UGGT2: variants seen among roughly 807,000 people sequenced by gnomAD.
UGGT2 encodes UDP-glucose:glycoprotein glucosyltransferase 2.
In UGGT2, 180 loss-of-function variants were observed where a neutral mutation model predicts 192.1. That is an observed-to-expected ratio of 0.94 (90% CI 0.83 to 1.06). UGGT2 has a LOEUF of 1.06. Ranked by LOEUF, UGGT2 falls within the 50% of genes least tolerant of loss-of-function variation. The pLI, the probability that UGGT2 is intolerant of heterozygous loss-of-function variation, is 0.00. For synonymous variants in UGGT2, 580 were observed against 591.0 expected (o/e 0.98, Z 0.27); for missense variants, 1,849 against 1,795.7 (o/e 1.03, Z -0.54).
Position 95,983,648 on chromosome 13 carries a change from T to A in UGGT2, c.1092+156A>T, listed in dbSNP as rs141631155. The A allele has an allele frequency of 6.4e-4, 432 of 680,012 alleles. 6 individuals are homozygous for A. The East Asian group carries it at 0.012, about 19-fold the overall frequency. The allele number at this position is 680,012 out of a possible 1,614,324, so 42.1% of individuals were successfully genotyped here. A position where few individuals can be genotyped will look rare whatever the true frequency, so the allele number is the denominator to read the frequency against. On this transcript the variant is annotated intron_variant, in intron 10 of 38. Transcript: ENST00000376747. ...AAAAGATTGGCTGATTAAATGCTCATATAGTCCACAGTATAAAAATAGAAG... is the reference window on the plus strand; with the variant it reads ...AAAAGATTGGCTGATTAAATGCTCAAATAGTCCACAGTATAAAAATAGAAG...
At chr13:96,005,322 A>G (rs1395866959) in intron 5 of UGGT2, among the ~76,000 whole-genome samples, 1 of 152,194 alleles carries the variant, frequency 6.6e-6, no homozygotes, top group African/African-American at 2.4e-5. Flanking sequence ...AAAGCTTGCT[A>G]AAGGCTAAAT....
intron 36 of UGGT2, among the ~76,000 whole-genome samples, chr13:95,846,929 T>C (rs1888520988): frequency 6.6e-6 from 1 of 152,152 alleles, no homozygotes; most frequent in Non-Finnish European, 1.5e-5. Context: ...TATTGGTAAT[T>C]TGTGTCTTTT....
chr13:95,854,538 G>T (rs1889396762), intron 34 of UGGT2, 63 bp from the exon 35 acceptor site: 4 of 1,382,194 alleles, frequency 2.9e-6, no homozygotes, highest in South Asian at 3.1e-5. Flanking sequence ...TTTTTTATGG[G>T]AATCTCAAAT....
At chr13:96,003,816 C>T (rs2051883799) in intron 5 of UGGT2, among the ~76,000 whole-genome samples, 1 of 152,118 alleles carries the variant, frequency 6.6e-6, no homozygotes, top group Non-Finnish European at 1.5e-5. Flanking sequence ...CCCCGACTGT[C>T]AACCCACAGA....
chr13:95,903,280 T>C (rs992891487), intron 20 of UGGT2, among the ~76,000 whole-genome samples: 2 of 152,158 alleles, frequency 1.3e-5, no homozygotes, highest in African/African-American at 4.8e-5. Flanking sequence ...AATGATTCAT[T>C]TGTAATGTAA....
intron 35 of UGGT2, among the ~76,000 whole-genome samples, chr13:95,853,969 G>C (rs1889320428): frequency 6.6e-6 from 1 of 152,108 alleles, no homozygotes; most frequent in Admixed American, 6.5e-5. Flanking sequence ...CACAAACCAA[G>C]TTTAAATCTT....
intron 20 of UGGT2, among the ~76,000 whole-genome samples, chr13:95,921,935 C>T (rs2048857533): frequency 6.6e-6 from 1 of 152,080 alleles, no homozygotes; most frequent in South Asian, 2.1e-4. Flanking sequence ...GGTATATATC[C>T]AAAGAAAAAT....
intron 38 of UGGT2, among the ~76,000 whole-genome samples, chr13:95,820,984 T>C (rs1021225490): frequency 6.6e-6 from 1 of 152,184 alleles, no homozygotes; most frequent in Non-Finnish European, 1.5e-5. Flanking sequence ...CATGTTTTCT[T>C]TATCTACTCA....
intron 20 of UGGT2, among the ~76,000 whole-genome samples, chr13:95,920,643 A>G (rs573542242): frequency 1.3e-5 from 2 of 152,320 alleles, no homozygotes; most frequent in South Asian, 4.1e-4. Flanking sequence ...CAATGAGATA[A>G]CATCTCACGC....
rs1566543291 is a variant in UGGT2 at position 95,820,153 on chromosome 13, A to AAAT, written c.4528+12773_4528+12774insATT. On this transcript the variant is annotated intron_variant, in intron 38 of 38. Coordinates refer to ENST00000376747, the MANE Select transcript of UGGT2 (RefSeq NM_020121.4). ...GTGTGACAGAGTGAAACTGTCTCAA[A>AAAT]AAATAAATAAATAAAATAAACAAGA... 6.6e-5 allele frequency among the ~76,000 whole-genome samples: 10 copies of AAAT among 151,346 alleles called. No individual in the cohort carries two copies. The East Asian group carries it at 7.8e-4, about 12-fold the overall frequency.
At chr13:95,867,537 A>G (rs912928020) in intron 29 of UGGT2, 114 bp from the exon 30 acceptor site, 14 of 706,110 alleles carry the variant, frequency 2.0e-5, no homozygotes, top group Non-Finnish European at 2.5e-5. Flanking sequence ...ACTAGTGCAT[A>G]TATCATGTTT....
intron 12 of UGGT2, among the ~76,000 whole-genome samples, chr13:95,951,376 T>C (rs1465927009): frequency 6.6e-6 from 1 of 152,176 alleles, no homozygotes; most frequent in Non-Finnish European, 1.5e-5. Flanking sequence ...TTACTCAGTC[T>C]GAGGAAGAAA....
intron 38 of UGGT2, among the ~76,000 whole-genome samples, chr13:95,825,673 T>C (rs1444985665): frequency 6.6e-6 from 1 of 152,170 alleles, no homozygotes; most frequent in African/African-American, 2.4e-5. Context: ...TCTGCAGTGG[T>C]GGACAAGGTG....
At chr13:96,024,952 G>GC (rs1352464702) in intron 2 of UGGT2, among the ~76,000 whole-genome samples, 1 of 152,158 alleles carries the variant, frequency 6.6e-6, no homozygotes, top group Admixed American at 6.5e-5. Context: ...AAAGTGCTGG[G>GC]CCCTTGACCC....
chr13:95,952,614 C>G (rs2050101539), intron 12 of UGGT2, among the ~76,000 whole-genome samples: 1 of 151,846 alleles, frequency 6.6e-6, no homozygotes, highest in South Asian at 2.1e-4. Context: ...CATGTGGAAC[C>G]CTTGGATATG....
At chr13:95,958,228 T>C (rs1013227016) in intron 12 of UGGT2, among the ~76,000 whole-genome samples, 8 of 152,054 alleles carry the variant, frequency 5.3e-5, no homozygotes, top group Non-Finnish European at 1.2e-4. Flanking sequence ...CTTGGCTCAC[T>C]GCAAGCTCCG....
chr13:95,944,459 C>T (rs1031338808), intron 15 of UGGT2, among the ~76,000 whole-genome samples: 4 of 152,020 alleles, frequency 2.6e-5, no homozygotes, highest in Non-Finnish European at 4.4e-5. Flanking sequence ...AAACAGAATA[C>T]AACGGAATAA....
intron 2 of UGGT2, among the ~76,000 whole-genome samples, chr13:96,031,397 T>A (rs574969605): frequency 6.6e-6 from 1 of 152,274 alleles, no homozygotes; most frequent in South Asian, 2.1e-4. Flanking sequence ...CTCAAACTCC[T>A]GGGTTCAAGT....
At chr13:95,922,224 G>A (rs572979635) in intron 20 of UGGT2, among the ~76,000 whole-genome samples, 26 of 152,322 alleles carry the variant, frequency 1.7e-4, no homozygotes, top group African/African-American at 5.8e-4. Context: ...AATGCTGCGT[G>A]TTCTCACTTA....
Sources: gnomAD v4.1 joint callset for allele counts (sites outside exome capture counted in the v4.1 genomes callset) on GRCh38, gnomAD v4.1.1 for gene constraint, MANE v1.5 for transcripts, NCBI Gene and HGNC (gene_info 2026-07-23, HGNC 2026-07-21) for gene names.